Variants in FAM13A observed in about 807,000 individuals in gnomAD.
FAM13A encodes family with sequence similarity 13 member A, also known as protein FAM13A.
In FAM13A, 76 loss-of-function variants were observed where a neutral mutation model predicts 129.6. The observed-to-expected ratio is 0.59, with a 90% CI of 0.49 to 0.71. FAM13A has a LOEUF of 0.71. Among genes scored for constraint, FAM13A ranks in the 30% least tolerant of loss-of-function variants. FAM13A has a pLI of 0.00. For missense variants in FAM13A, 1,108 were observed against 1,249.3 expected (o/e 0.89, Z 1.70); for synonymous variants, 443 against 449.9 (o/e 0.98, Z 0.20).
intron 6 of FAM13A, among the ~76,000 whole-genome samples, chr4:88,869,310 A>G (rs1390242597): frequency 6.6e-6 from 1 of 152,172 alleles, no homozygotes; most frequent in Non-Finnish European, 1.5e-5. Flanking sequence ...AAACTTGTCA[A>G]TGGTTTTTCA....
chr4:89,042,243 G>A (rs1224327041), intron 1 of FAM13A, among the ~76,000 whole-genome samples: 5 of 151,996 alleles, frequency 3.3e-5, no homozygotes, highest in African/African-American at 9.7e-5. Flanking sequence ...CAGCAACCCA[G>A]AAGCTAAGCT....
At chr4:89,000,716 T>C (rs1254829280) in intron 3 of FAM13A, among the ~76,000 whole-genome samples, 2 of 152,254 alleles carry the variant, frequency 1.3e-5, no homozygotes, top group African/African-American at 4.8e-5. Flanking sequence ...AAAGAAATTC[T>C]GTTGACTTCA....
In FAM13A at chr4:88,920,109, C is replaced by T. The variant is rs575697535; in HGVS notation, c.760-13647G>A. On this transcript the variant is annotated intron_variant, in intron 5 of 23. Coordinates refer to ENST00000264344, the MANE Select transcript of FAM13A (RefSeq NM_014883.4). ...GCCTGCCTGCCTCTGTAGGCTCCAC[C>T]TCTGGGGGCAGGGCACAGACAAACA... is the stretch of plus-strand genomic sequence containing the variant. Among the ~76,000 whole-genome samples, 308 of 152,344 alleles carry T rather than the reference C, an allele frequency of 2.0e-3. 2 individuals are homozygous for T. Among genetic ancestry groups the T allele is most frequent in the African/African-American group, 6.9e-3 (285 of 41,590 alleles).
At chr4:88,834,120 T>C (rs2149895806) in intron 7 of FAM13A, among the ~76,000 whole-genome samples, 1 of 142,936 alleles carries the variant, frequency 7.0e-6, no homozygotes, top group East Asian at 2.0e-4. Flanking sequence ...CTATGTTGCC[T>C]AAGTTGGTCT....
intron 7 of FAM13A, among the ~76,000 whole-genome samples, chr4:88,847,952 C>G (rs1241609114): frequency 7.3e-6 from 1 of 136,992 alleles, no homozygotes; most frequent in Non-Finnish European, 1.6e-5. Context: ...GACTCTGTCC[C>G]AAAAAAAAAA....
intron 3 of FAM13A, among the ~76,000 whole-genome samples, chr4:89,015,414 T>C (rs922931683): frequency 2.6e-5 from 4 of 152,196 alleles, no homozygotes; most frequent in Non-Finnish European, 4.4e-5. Flanking sequence ...CCTGCTGACA[T>C]GTGATGTCTC....
At chr4:88,863,866 T>G (rs975341460) in intron 6 of FAM13A, among the ~76,000 whole-genome samples, 5 of 151,784 alleles carry the variant, frequency 3.3e-5, no homozygotes, top group African/African-American at 1.2e-4. Flanking sequence ...CTGGATAGAG[T>G]CATCAGGGTA....
intron 1 of FAM13A, among the ~76,000 whole-genome samples, chr4:89,043,852 G>C (rs1770482447): frequency 6.6e-6 from 1 of 152,084 alleles, no homozygotes; most frequent in Non-Finnish European, 1.5e-5. Flanking sequence ...CAGGAGGATT[G>C]CTTGAGTCCA....
intron 4 of FAM13A, among the ~76,000 whole-genome samples, chr4:88,942,349 C>A (rs1187201911): frequency 6.6e-6 from 1 of 151,826 alleles, no homozygotes; most frequent in Non-Finnish European, 1.5e-5. Flanking sequence ...GGCGGATCAC[C>A]TGAGGTTAGG....
intron 4 of FAM13A, among the ~76,000 whole-genome samples, chr4:88,972,489 C>T (rs1179566948): frequency 1.3e-5 from 2 of 151,466 alleles, no homozygotes; most frequent in Non-Finnish European, 2.9e-5. Flanking sequence ...TTAGTAGAGA[C>T]AGGGTATCAC....
At chr4:88,758,584 C>T (rs1187833245) in intron 14 of FAM13A, among the ~76,000 whole-genome samples, 170 bp downstream of exon 14, 1 of 152,068 alleles carries the variant, frequency 6.6e-6, no homozygotes, top group African/African-American at 2.4e-5. Context: ...CAACATTTAC[C>T]CTGAGGTATT....
At chr4:89,032,626 G>T (rs1401186071) in intron 1 of FAM13A, among the ~76,000 whole-genome samples, 4 of 152,116 alleles carry the variant, frequency 2.6e-5, no homozygotes, top group Non-Finnish European at 5.9e-5. Context: ...TGACCTTGTT[G>T]ATGCTTTTAT....
At chr4:88,887,530 C>CTT (rs33953927) in intron 6 of FAM13A, among the ~76,000 whole-genome samples, 4,513 of 128,726 alleles carry the variant, frequency 0.035, 194 homozygotes, top group African/African-American at 0.061. Context: ...ACCTTTCTTT[C>CTT]TTTCTTTTTT....
At chr4:89,004,277 T>C (rs1228454260) in intron 3 of FAM13A, among the ~76,000 whole-genome samples, 2 of 152,170 alleles carry the variant, frequency 1.3e-5, no homozygotes, top group East Asian at 3.9e-4. Flanking sequence ...TAGCTGGGAT[T>C]ACAGGCGTGC....
chr4:88,835,227 A>C (rs1734614705), intron 7 of FAM13A, among the ~76,000 whole-genome samples: 1 of 152,116 alleles, frequency 6.6e-6, no homozygotes, highest in Non-Finnish European at 1.5e-5. Flanking sequence ...GTTTTTGTTT[A>C]GGTCTTTCTC....
chr4:88,833,186 A>G (rs1355783587), intron 7 of FAM13A, among the ~76,000 whole-genome samples: 2 of 152,218 alleles, frequency 1.3e-5, no homozygotes, highest in African/African-American at 4.8e-5. Flanking sequence ...CGAAGAGAAC[A>G]CATGGACACT....
intron 1 of FAM13A, among the ~76,000 whole-genome samples, chr4:89,033,979 G>A (rs1769035572): frequency 6.6e-6 from 1 of 152,136 alleles, no homozygotes; most frequent in African/African-American, 2.4e-5. Flanking sequence ...TAAAAATCCT[G>A]TAAGAAACCC....
At chr4:88,963,677 G>A (rs558784876) in intron 4 of FAM13A, among the ~76,000 whole-genome samples, 3 of 152,082 alleles carry the variant, frequency 2.0e-5, no homozygotes, top group Non-Finnish European at 4.4e-5. Flanking sequence ...TAAGACAAGG[G>A]TCTCTTTTCA....
chr4:88,768,964 C>G (rs1484251135), intron 11 of FAM13A, among the ~76,000 whole-genome samples: 5 of 152,146 alleles, frequency 3.3e-5, no homozygotes, highest in Non-Finnish European at 1.5e-5. Context: ...TATCTGAATT[C>G]AGCAAACTCA....
Sources: allele counts gnomAD v4.1 joint callset (sites outside exome capture counted in the v4.1 genomes callset), GRCh38; gene constraint gnomAD v4.1.1; transcripts MANE v1.5; gene names NCBI Gene and HGNC (gene_info 2026-07-23, HGNC 2026-07-21).